XPO4: variants seen among roughly 807,000 people sequenced by gnomAD.
The protein encoded by XPO4 is exportin-4.
A neutral mutation model predicts 143.0 loss-of-function variants in XPO4; 39 were observed. That is an observed-to-expected ratio of 0.27 (90% CI 0.21 to 0.36). XPO4 has a LOEUF of 0.36. XPO4 is among the 10% of genes least tolerant of loss of function. The pLI is 1.00. For missense variants in XPO4, 907 were observed against 1,348.0 expected (o/e 0.67, Z 5.12); for synonymous variants, 439 against 474.0 (o/e 0.93, Z 0.96).
intron 4 of XPO4, among the ~76,000 whole-genome samples, chr13:20,844,461 C>T (rs534210718): frequency 3.3e-5 from 5 of 152,286 alleles, no homozygotes; most frequent in African/African-American, 9.6e-5. Context: ...CCAACAGGCT[C>T]CTAATATCAA....
chr13:20,818,496 A>G (rs868063792), intron 9 of XPO4, among the ~76,000 whole-genome samples: 1 of 152,228 alleles, frequency 6.6e-6, no homozygotes, highest in Non-Finnish European at 1.5e-5. Context: ...TAATCTGTAT[A>G]TATTCCTAAA....
At chr13:20,812,912 T>G (rs1344466446) in intron 9 of XPO4, among the ~76,000 whole-genome samples, 4 of 152,180 alleles carry the variant, frequency 2.6e-5, no homozygotes, top group Non-Finnish European at 5.9e-5. Context: ...TAAAAAAGAA[T>G]AGATCTGTGT....
chr13:20,855,927 C>T (rs1477951884), intron 3 of XPO4, among the ~76,000 whole-genome samples, 162 bp from the exon 4 acceptor site: 1 of 152,176 alleles, frequency 6.6e-6, no homozygotes, highest in Non-Finnish European at 1.5e-5. Context: ...GGCCTGGGTT[C>T]AAACCCAGGC....
intron 3 of XPO4, among the ~76,000 whole-genome samples, chr13:20,862,325 T>A (rs1285947147): frequency 6.6e-6 from 1 of 152,094 alleles, no homozygotes; most frequent in Admixed American, 6.6e-5. Context: ...AAAACTAATA[T>A]CCAACACAAC....
chr13:20,844,228 A>G (rs564343527), intron 4 of XPO4, among the ~76,000 whole-genome samples: 8 of 152,358 alleles, frequency 5.3e-5, no homozygotes, highest in African/African-American at 1.7e-4. Flanking sequence ...AATTCGCAGA[A>G]CAACCTATAT....
intron 6 of XPO4, among the ~76,000 whole-genome samples, chr13:20,837,839 G>A (rs201265008): frequency 2.0e-5 from 3 of 152,124 alleles, no homozygotes; most frequent in Admixed American, 1.3e-4. Context: ...TCACTACCAC[G>A]AGAACAGTAT....
At chr13:20,806,883 A>C (rs2059514551) in intron 13 of XPO4, among the ~76,000 whole-genome samples, 1 of 151,986 alleles carries the variant, frequency 6.6e-6, no homozygotes. Context: ...ATCCCTCCTT[A>C]ATTTCACCAT....
At chr13:20,785,083 G>A (rs1394265515) in intron 22 of XPO4, among the ~76,000 whole-genome samples, 1 of 152,130 alleles carries the variant, frequency 6.6e-6, no homozygotes, top group Non-Finnish European at 1.5e-5. Flanking sequence ...GAGCAGGCTG[G>A]TCTCAAGCTC....
chr13:20,823,987 C>T (rs527873417), intron 7 of XPO4, among the ~76,000 whole-genome samples: 4 of 152,320 alleles, frequency 2.6e-5, no homozygotes, highest in South Asian at 2.1e-4. Flanking sequence ...ATAAGCTTTA[C>T]TGGAACACCG....
At chr13:20,787,177 G>A (rs2059217219) in intron 21 of XPO4, 120 bp from the exon 22 acceptor site, 1 of 895,354 alleles carries the variant, frequency 1.1e-6, no homozygotes, top group Admixed American at 3.0e-5. Flanking sequence ...AAATCAATCT[G>A]AAATTTTCCT....
chr13:20,787,826 T>C (rs1226923273), intron 20 of XPO4, among the ~76,000 whole-genome samples: 1 of 152,168 alleles, frequency 6.6e-6, no homozygotes, highest in African/African-American at 2.4e-5. Context: ...GTATAGCTTG[T>C]TTCAGTTTAC....
At chr13:20,801,501 A>T (rs142688405) in intron 13 of XPO4, among the ~76,000 whole-genome samples, 1 of 152,330 alleles carries the variant, frequency 6.6e-6, no homozygotes, top group Non-Finnish European at 1.5e-5. Context: ...TTCCTAGTAA[A>T]CTTGATTCTT....
At chr13:20,817,459 A>G (rs1483194046) in intron 9 of XPO4, among the ~76,000 whole-genome samples, 1 of 152,220 alleles carries the variant, frequency 6.6e-6, no homozygotes, top group African/African-American at 2.4e-5. Context: ...GCTGGTCTTG[A>G]GATTAGGCTA....
Position 20,831,037 on chromosome 13 carries a change from T to A in XPO4, c.728-3858A>T, listed in dbSNP as rs2138009126. 2.0e-5 allele frequency among the ~76,000 whole-genome samples: 3 copies of A among 152,188 alleles called. No individual in the cohort carries two copies. The South Asian group carries it at 6.2e-4, about 32-fold the overall frequency. On this transcript the variant is annotated intron_variant, in intron 6 of 22. Transcript: ENST00000255305. ...TCATTTTTAATCAGGTATTCTCAAA[T>A]GACTATTTCTATCTGTATGTATAAG...
At chr13:20,808,265 T>A (rs544255306) in intron 12 of XPO4, among the ~76,000 whole-genome samples, 171 bp downstream of exon 12, 1 of 152,230 alleles carries the variant, frequency 6.6e-6, no homozygotes, top group East Asian at 1.9e-4. Context: ...ACTGCATACA[T>A]ATTAGCCAGT....
intron 2 of XPO4, among the ~76,000 whole-genome samples, chr13:20,864,782 C>A (rs1301120590): frequency 6.6e-6 from 1 of 151,648 alleles, no homozygotes; most frequent in African/African-American, 2.4e-5. Context: ...ACAAAAGTTT[C>A]TTAATTCTTT....
Position 20,842,961 on chromosome 13 carries a change from A to C in XPO4, c.661T>G (p.Ser221Ala), listed in dbSNP as rs2059990738. Residue 221 changes from serine to alanine, a missense_variant, in exon 6 of 23, where the codon TCA (serine) becomes GCA (alanine). Physicochemically the swap from Ser to Ala is moderately conservative, Grantham distance 99. Coordinates refer to ENST00000255305, the MANE Select transcript of XPO4 (RefSeq NM_022459.5). ...AGTGCAAGGTAACGCTGAAATACTG[A>C]AGACATCTGAGCATTGAGGTTTTCC... ...RRENLNAQMS[S>A]VFQRYLALAN... 3.7e-6 allele frequency: 6 copies of C among 1,613,650 alleles called. No individual in the cohort carries two copies. The highest frequency in any genetic ancestry group is 1.3e-5 in the African/African-American group (1 of 75,052).
At chr13:20,875,600 C>G (rs940509969) in intron 1 of XPO4, among the ~76,000 whole-genome samples, 7 of 152,182 alleles carry the variant, frequency 4.6e-5, no homozygotes, top group Non-Finnish European at 1.0e-4. Flanking sequence ...CATAAAGCCT[C>G]GGTTCCTTCT....
intron 9 of XPO4, among the ~76,000 whole-genome samples, chr13:20,819,514 GC>G (rs2059692023): frequency 6.6e-6 from 1 of 152,106 alleles, no homozygotes; most frequent in African/African-American, 2.4e-5. Context: ...ACAAAAATTA[GC>G]CGGGCGTGAT....
Sources: gnomAD v4.1 joint callset for allele counts (sites outside exome capture counted in the v4.1 genomes callset) on GRCh38, gnomAD v4.1.1 for gene constraint, MANE v1.5 for transcripts, NCBI Gene and HGNC (gene_info 2026-07-23, HGNC 2026-07-21) for gene names.